The following OLFM3 variants were observed in gnomAD, a reference collection of about 807,000 sequenced individuals.
OLFM3 encodes the protein olfactomedin 3.
Under a neutral mutation model 48.6 loss-of-function variants are expected in OLFM3, and 20 were observed. That is an observed-to-expected ratio of 0.41 (90% CI 0.29 to 0.60). The LOEUF (loss-of-function observed/expected upper bound fraction) is 0.60. Among genes scored for constraint, OLFM3 ranks in the 20% least tolerant of loss-of-function variants. The pLI is 0.28. For synonymous variants in OLFM3, 222 were observed against 198.1 expected, an observed-to-expected ratio of 1.12 and a Z score of -1.01; for missense variants, 437 against 544.3, an observed-to-expected ratio of 0.80 and a Z score of 1.96.
chr1:101,821,598 C>T (rs1654610238), intron 4 of OLFM3, among the ~76,000 whole-genome samples: 1 of 151,982 alleles, frequency 6.6e-6, no homozygotes, highest in Non-Finnish European at 1.5e-5. Flanking sequence ...TTGACCTAAA[C>T]ATGTTGGGAT....
At chr1:101,902,751 G>T (rs540619340) in intron 1 of OLFM3, among the ~76,000 whole-genome samples, 31 of 152,178 alleles carry the variant, frequency 2.0e-4, no homozygotes, top group African/African-American at 7.5e-4. Flanking sequence ...GCTTAACAGC[G>T]TACGTATACT....
At chr1:101,924,437 G>T (rs1659199764) in intron 1 of OLFM3, among the ~76,000 whole-genome samples, 1 of 152,124 alleles carries the variant, frequency 6.6e-6, no homozygotes, top group African/African-American at 2.4e-5. Context: ...AAATAGAGTT[G>T]AAAATAAATC....
chr1:101,951,055 G>T (rs1660131534), intron 1 of OLFM3, among the ~76,000 whole-genome samples: 1 of 152,192 alleles, frequency 6.6e-6, no homozygotes, highest in African/African-American at 2.4e-5. Flanking sequence ...ACCTGAGCAT[G>T]TAGTAAATCT....
At chr1:101,843,986 G>A (rs1655860981) in intron 1 of OLFM3, among the ~76,000 whole-genome samples, 1 of 152,208 alleles carries the variant, frequency 6.6e-6, no homozygotes. Context: ...AGAACATGGA[G>A]TGAGAACATT....
intron 1 of OLFM3, among the ~76,000 whole-genome samples, chr1:101,890,887 C>A (rs905470447): frequency 6.6e-6 from 1 of 151,842 alleles, no homozygotes; most frequent in Non-Finnish European, 1.5e-5. Context: ...TTGAAGACAA[C>A]AGAATGAATT....
intron 1 of OLFM3, among the ~76,000 whole-genome samples, chr1:101,961,012 T>C (rs1660450277): frequency 6.6e-6 from 1 of 152,142 alleles, no homozygotes; most frequent in Non-Finnish European, 1.5e-5. Flanking sequence ...AAAATTCTGA[T>C]TTAGAGACTA....
chr1:101,882,854 A>C (rs909492014), intron 1 of OLFM3: 4 of 151,918 alleles, frequency 2.6e-5, no homozygotes, highest in Non-Finnish European at 5.9e-5. Context: ...CGGTCTCCTG[A>C]GAAGGAGCCT....
chr1:101,876,041 A>T (rs1029807785), intron 1 of OLFM3, among the ~76,000 whole-genome samples: 4 of 152,058 alleles, frequency 2.6e-5, no homozygotes, highest in African/African-American at 9.7e-5. Flanking sequence ...ATTTATTTAC[A>T]GTACTTCAGA....
At chr1:101,897,778 A>G (rs1202016263) in intron 1 of OLFM3, among the ~76,000 whole-genome samples, 1 of 152,198 alleles carries the variant, frequency 6.6e-6, no homozygotes, top group Admixed American at 6.5e-5. Flanking sequence ...TGCTGAGGAT[A>G]TTGATTAACA....
At chr1:101,955,303 A>T (rs889150342) in intron 1 of OLFM3, among the ~76,000 whole-genome samples, 17 of 151,982 alleles carry the variant, frequency 1.1e-4, no homozygotes, top group Non-Finnish European at 2.4e-4. Context: ...AATCATTCTT[A>T]TCCAAGGCAC....
At chr1:101,946,195 T>G (rs1265455163) in intron 1 of OLFM3, among the ~76,000 whole-genome samples, 1 of 126,208 alleles carries the variant, frequency 7.9e-6, no homozygotes, top group African/African-American at 3.0e-5. Flanking sequence ...CTTAGACATT[T>G]CTCTAATCAG....
intron 1 of OLFM3, among the ~76,000 whole-genome samples, chr1:101,900,393 G>A (rs1379674628): frequency 6.6e-6 from 1 of 152,088 alleles, no homozygotes; most frequent in Non-Finnish European, 1.5e-5. Flanking sequence ...TAATATTTGA[G>A]CTAAAATGAG....
At chr1:101,947,799 C>T (rs774063970) in intron 1 of OLFM3, among the ~76,000 whole-genome samples, 1 of 152,290 alleles carries the variant, frequency 6.6e-6, no homozygotes, top group East Asian at 1.9e-4. Context: ...AACTGCTCCA[C>T]GGCTCTTTAT....
At chr1:101,989,453 G>A (rs561762249) in intron 1 of OLFM3, among the ~76,000 whole-genome samples, 2 of 152,200 alleles carry the variant, frequency 1.3e-5, no homozygotes, top group East Asian at 3.9e-4. Flanking sequence ...CAAATAATCT[G>A]CAACCTCTTA....
chr1:101,895,528 T>C (rs1044298892), intron 1 of OLFM3, among the ~76,000 whole-genome samples: 3 of 152,082 alleles, frequency 2.0e-5, no homozygotes, highest in Admixed American at 2.0e-4. Flanking sequence ...ATATTAATCC[T>C]GTACATTAAT....
Position 101,882,330 on chromosome 1 carries a change from T to A in OLFM3, c.70-45305A>T, listed in dbSNP as rs867386288. ...TAATATAAGTGCATATATATATATA[T>A]AATATATATATATATATATAAAGAT... On this transcript the variant is annotated intron_variant, in intron 1 of 5. Transcript: ENST00000370103. 5.2e-3 allele frequency among the ~76,000 whole-genome samples: 519 copies of A among 99,926 alleles called. 1 individual carries two copies. Among genetic ancestry groups the A allele is most frequent in the African/African-American group, 0.017 (475 of 27,348 alleles). 65.6% of individuals were successfully genotyped at this position (99,926 alleles called of 152,430 possible). A position where few individuals can be genotyped will look rare whatever the true frequency, so the allele number is the denominator to read the frequency against.
At chr1:101,912,547 A>T (rs1023814202) in intron 1 of OLFM3, among the ~76,000 whole-genome samples, 3 of 152,222 alleles carry the variant, frequency 2.0e-5, no homozygotes, top group Non-Finnish European at 2.9e-5. Context: ...AATGAAGAAC[A>T]TGAGGTTTGA....
chr1:101,951,738 A>G (rs980471309), intron 1 of OLFM3, among the ~76,000 whole-genome samples: 1 of 152,178 alleles, frequency 6.6e-6, no homozygotes, highest in Non-Finnish European at 1.5e-5. Context: ...TAAAGGTTTC[A>G]TTCAGAATCG....
chr1:101,893,402 A>G, intron 1 of OLFM3: 2 of 367,300 alleles, frequency 5.4e-6, no homozygotes, highest in South Asian at 2.6e-5. Flanking sequence ...TCCTCAAGAT[A>G]GATGTAAAAG....
Sources: allele counts gnomAD v4.1 joint callset (sites outside exome capture counted in the v4.1 genomes callset), GRCh38; gene constraint gnomAD v4.1.1; transcripts MANE v1.5; gene names NCBI Gene and HGNC (gene_info 2026-07-23, HGNC 2026-07-21).